CASK: variants seen among roughly 807,000 people sequenced by gnomAD.
CASK encodes peripheral plasma membrane protein CASK.
In CASK, 4 loss-of-function variants were observed where a neutral mutation model predicts 82.9. The observed-to-expected ratio is 0.05, with a 90% CI of 0.02 to 0.11. The LOEUF (loss-of-function observed/expected upper bound fraction) is 0.11. CASK is among the 10% of genes least tolerant of loss of function. CASK has a pLI of 1.00. For synonymous variants in CASK, 259 were observed against 253.5 expected (o/e 1.02, Z -0.20); for missense variants, 358 against 720.9 (o/e 0.50, Z 5.76).
At chrX:41,665,186 T>C (rs190074324) in intron 7 of CASK, 91 bp downstream of exon 7, 1 of 774,149 alleles carries the variant, frequency 1.3e-6, no homozygotes, top group Admixed American at 2.6e-5. Context: ...TGGCAGTCAA[T>C]TAGTGGGCAA....
Position 41,715,673 on chromosome X carries a change from C to G in CASK, c.429+23711G>C, listed in dbSNP as rs1278695564. ...TTCAGAAAGTGATTGATATCACAAGCAGACAACCCTGGGTGCTCCCTTGAA... is the reference window on the plus strand; with the variant it reads ...TTCAGAAAGTGATTGATATCACAAGGAGACAACCCTGGGTGCTCCCTTGAA... On this transcript the variant is annotated intron_variant, in intron 5 of 26. Transcript: ENST00000378163. 2.7e-5 allele frequency among the ~76,000 whole-genome samples: 3 copies of G among 109,955 alleles called. No individual in the cohort carries two copies. In the Admixed American group the frequency reaches 2.9e-4, roughly 11 times the overall value.
intron 3 of CASK, among the ~76,000 whole-genome samples, chrX:41,775,891 G>C (rs1209208915): frequency 1.3e-5 from 1 of 75,561 alleles, no homozygotes; most frequent in African/African-American, 4.9e-5. Context: ...GTTGTGGGGT[G>C]GGGGGAGGGG....
At chrX:41,845,423 T>G (rs765213704) in intron 2 of CASK, among the ~76,000 whole-genome samples, 2 of 112,185 alleles carry the variant, frequency 1.8e-5, no homozygotes, top group African/African-American at 3.2e-5. Context: ...ATGCTGCTAT[T>G]GTTATAAAAT....
intron 11 of CASK, among the ~76,000 whole-genome samples, chrX:41,611,686 T>C (rs1456512124): frequency 6.8e-5 from 4 of 58,637 alleles, no homozygotes; most frequent in Non-Finnish European, 1.2e-4. Context: ...CCTCTCTCTC[T>C]CCCTCTCCCT....
At chrX:41,584,539 T>C (rs2065629391) in intron 14 of CASK, 2 of 111,665 alleles carry the variant, frequency 1.8e-5, no homozygotes, top group Admixed American at 9.5e-5. Context: ...CACCTCAGAT[T>C]ATCAGGCATT....
intron 2 of CASK, among the ~76,000 whole-genome samples, chrX:41,820,089 T>C (rs761220949): frequency 3.6e-5 from 4 of 111,066 alleles, no homozygotes; most frequent in South Asian, 7.5e-4. Flanking sequence ...ATTGTTCAAA[T>C]AGAAAATCTT....
At chrX:41,832,733 A>G (rs1398117534) in intron 2 of CASK, among the ~76,000 whole-genome samples, 1 of 112,432 alleles carries the variant, frequency 8.9e-6, no homozygotes, top group Non-Finnish European at 1.9e-5. Flanking sequence ...ATTTCAGTTT[A>G]AAGACATGTT....
intron 3 of CASK, among the ~76,000 whole-genome samples, chrX:41,747,324 T>C (rs1001505608): frequency 1.3e-4 from 15 of 111,728 alleles, no homozygotes; most frequent in African/African-American, 4.9e-4. Context: ...CAGCACTCAT[T>C]TTCCACCATC....
chrX:41,670,434 G>A (rs2067179769), intron 6 of CASK, among the ~76,000 whole-genome samples: 1 of 112,323 alleles, frequency 8.9e-6, no homozygotes, highest in African/African-American at 3.2e-5. Flanking sequence ...GGGCACTGTG[G>A]TGAAAAAATT....
chrX:41,840,727 C>T (rs750288891), intron 2 of CASK, among the ~76,000 whole-genome samples: 1 of 111,845 alleles, frequency 8.9e-6, no homozygotes, highest in African/African-American at 3.2e-5. Flanking sequence ...TTTTTGTAGA[C>T]TTCTTTATCA....
intron 14 of CASK, among the ~76,000 whole-genome samples, chrX:41,583,182 A>G (rs1406541950): frequency 8.9e-6 from 1 of 112,321 alleles, no homozygotes; most frequent in Non-Finnish European, 1.9e-5. Context: ...ACTAATAGCA[A>G]TGCACATATT....
At chrX:41,559,428 GA>G (rs1195696673) in intron 18 of CASK, 5 of 217,623 alleles carry the variant, frequency 2.3e-5, no homozygotes, top group Non-Finnish European at 4.2e-5. Flanking sequence ...CTTAACAAGG[GA>G]AGTGAATGAA....
chrX:41,752,390 A>C (rs781724793), intron 3 of CASK, among the ~76,000 whole-genome samples: 11 of 110,061 alleles, frequency 1.0e-4, no homozygotes, highest in Admixed American at 6.8e-4. Context: ...TCCCAGGGTC[A>C]AGTTATTCTT....
chrX:41,758,205 C>T (rs1266140670), intron 3 of CASK, among the ~76,000 whole-genome samples: 7 of 110,932 alleles, frequency 6.3e-5, no homozygotes, highest in African/African-American at 1.6e-4. Context: ...GAGGCCCAGG[C>T]GGGCGGATAG....
At position 41,739,423 on chromosome X, in the gene CASK, G is replaced by A. The variant is rs143067717; in HGVS notation, c.390C>T (p.Arg130=). ...HYMRQILEAL[R]YCHDNNIIHR... ...GAATTATGTTATTATCATGGCAGTA[G>A]CGTAGAGCTTCCAGTATCTGTCTCA... The change falls in exon 5 of 27, where the codon CGC becomes CGT. Residue 130 remains arginine (R), a synonymous_variant. Transcript: ENST00000378163. 20 of 1,182,072 alleles carry A rather than the reference G, an allele frequency of 1.7e-5. No individual in the cohort carries two copies. The highest frequency in any genetic ancestry group is 2.3e-5 in the Non-Finnish European group (20 of 869,993).
chrX:41,733,770 AAAAT>A (rs1264261363), intron 5 of CASK, among the ~76,000 whole-genome samples: 1 of 110,901 alleles, frequency 9.0e-6, no homozygotes, highest in Non-Finnish European at 1.9e-5. Flanking sequence ...ATAAATAAAT[AAAAT>A]AAATAAAGAA....
At chrX:41,774,394 A>C (rs2147802508) in intron 3 of CASK, among the ~76,000 whole-genome samples, 1 of 112,017 alleles carries the variant, frequency 8.9e-6, no homozygotes, top group South Asian at 3.8e-4. Context: ...CGTGAAGGAC[A>C]AATGGAAGAA....
rs1050716872 is a variant in CASK, at chrX:41,520,241, T to C, written c.*179A>G. 2.5e-6 allele frequency: 1 copy of C among 402,546 alleles called. No homozygotes were observed. The allele number at this position is 402,546 out of a possible 1,213,427, so 33.2% of individuals were successfully genotyped here. A position where few individuals can be genotyped will look rare whatever the true frequency, so the allele number is the denominator to read the frequency against. Reference sequence around the variant, plus strand: ...TTAAAAAAGATACTGTCTCTTTAAATTAGTGTGTAATTGTTTTTCTCCTCC... The same window carrying C: ...TTAAAAAAGATACTGTCTCTTTAAACTAGTGTGTAATTGTTTTTCTCCTCC... On this transcript the variant is annotated 3_prime_UTR_variant, in exon 27 of 27. Coordinates refer to ENST00000378163, the MANE Select transcript of CASK (RefSeq NM_001367721.1).
At chrX:41,620,530 C>T (rs1449324666) in intron 11 of CASK, among the ~76,000 whole-genome samples, 1 of 111,497 alleles carries the variant, frequency 9.0e-6, no homozygotes, top group African/African-American at 3.3e-5. Flanking sequence ...CTTGCAAGCA[C>T]AATACTTTTT....
Sources: gnomAD v4.1 joint callset for allele counts (sites outside exome capture counted in the v4.1 genomes callset) on GRCh38, gnomAD v4.1.1 for gene constraint, MANE v1.5 for transcripts, NCBI Gene and HGNC (gene_info 2026-07-23, HGNC 2026-07-21) for gene names.